FAM168A: variants seen among roughly 807,000 people sequenced by gnomAD.
FAM168A encodes protein FAM168A.
FAM168A carries 3 observed loss-of-function variants against 28.5 expected under a neutral mutation model. That is an observed-to-expected ratio of 0.11 (90% CI 0.05 to 0.27). The LOEUF is 0.27. Among genes scored for constraint, FAM168A ranks in the 10% least tolerant of loss-of-function variants. FAM168A has a pLI of 1.00. For synonymous variants in FAM168A, 122 were observed against 124.2 expected (o/e 0.98, Z 0.12); for missense variants, 222 against 311.5 (o/e 0.71, Z 2.16).
intron 2 of FAM168A, among the ~76,000 whole-genome samples, chr11:73,457,723 C>CAAA (rs58142151): frequency 4.5e-4 from 17 of 37,544 alleles, no homozygotes; most frequent in South Asian, 1.6e-3. Flanking sequence ...GCCTGGGTGA[C>CAAA]AAAAAAAAAA....
At chr11:73,472,862 G>C (rs1867834179) in intron 1 of FAM168A, among the ~76,000 whole-genome samples, 1 of 152,108 alleles carries the variant, frequency 6.6e-6, no homozygotes, top group Non-Finnish European at 1.5e-5. Context: ...GAGAGGAGTA[G>C]GTTTTGGGTG....
chr11:73,443,948 C>T (rs868003142), intron 2 of FAM168A, among the ~76,000 whole-genome samples: 4 of 152,110 alleles, frequency 2.6e-5, no homozygotes, highest in Admixed American at 6.5e-5. Flanking sequence ...AAACTTACTT[C>T]GTAGAGACCC....
intron 1 of FAM168A, among the ~76,000 whole-genome samples, chr11:73,537,434 G>A (rs1179194909): frequency 6.6e-6 from 1 of 152,098 alleles, no homozygotes; most frequent in African/African-American, 2.4e-5. Context: ...GGTGGCATGC[G>A]CCTATAGTCC....
intron 1 of FAM168A, among the ~76,000 whole-genome samples, chr11:73,571,402 T>G (rs920821817): frequency 1.3e-5 from 2 of 151,592 alleles, no homozygotes; most frequent in African/African-American, 4.9e-5. Flanking sequence ...CGCGCCGCCA[T>G]GCCTGACTGG....
intron 1 of FAM168A, among the ~76,000 whole-genome samples, chr11:73,471,376 T>C (rs532913542): frequency 7.2e-5 from 11 of 152,308 alleles, no homozygotes; most frequent in African/African-American, 2.4e-4. Flanking sequence ...AATTTTTTAA[T>C]GACAGGTTCA....
chr11:73,449,515 T>C (rs920545955), intron 2 of FAM168A, among the ~76,000 whole-genome samples: 3 of 152,236 alleles, frequency 2.0e-5, no homozygotes, highest in Admixed American at 6.5e-5. Flanking sequence ...AAACTCAGGA[T>C]GGTTAGTAAC....
intron 1 of FAM168A, among the ~76,000 whole-genome samples, chr11:73,485,423 G>A (rs957192958): frequency 1.3e-5 from 2 of 152,142 alleles, no homozygotes; most frequent in African/African-American, 2.4e-5. Flanking sequence ...AGAGATACAC[G>A]TGTCTTTTGA....
In FAM168A at chr11:73,476,495, G is replaced by C. The variant is rs527821206; in HGVS notation, c.-18-8003C>G. On this transcript the variant is annotated intron_variant, in intron 1 of 7. Transcript: ENST00000356467. ...GTGGGTGGAATCCGAATCAAGAATT[G>C]CTACAATATATTATCTAAAATATGT... Among the ~76,000 whole-genome samples, 5 of 152,090 alleles carry C rather than the reference G, an allele frequency of 3.3e-5. No homozygotes were observed. The East Asian group carries it at 5.8e-4, about 18-fold the overall frequency.
chr11:73,418,950 A>T (rs919036714), intron 4 of FAM168A, among the ~76,000 whole-genome samples: 4 of 151,732 alleles, frequency 2.6e-5, no homozygotes, highest in Non-Finnish European at 5.9e-5. Flanking sequence ...CTGGGACTAC[A>T]GGCGCCCACC....
chr11:73,585,602 T>C (rs1315863363), intron 1 of FAM168A, among the ~76,000 whole-genome samples: 1 of 152,194 alleles, frequency 6.6e-6, no homozygotes, highest in African/African-American at 2.4e-5. Context: ...GCGTAGTGGC[T>C]CACGCCTGTA....
At chr11:73,555,020 A>T (rs934070227) in intron 1 of FAM168A, among the ~76,000 whole-genome samples, 3 of 152,242 alleles carry the variant, frequency 2.0e-5, no homozygotes, top group East Asian at 3.8e-4. Context: ...GAGAAGGTCA[A>T]GGTAGCCTTT....
rs183965589 is a variant in FAM168A, at chr11:73,402,544, A to T, written c.*4219T>A. On this transcript the variant is annotated 3_prime_UTR_variant, in exon 8 of 8. Coordinates refer to ENST00000356467, the MANE Select transcript of FAM168A (RefSeq NM_015159.3). ...ACAATTCGGGTGGCCAGGGGTAAGG[A>T]TGCTCAGAGTCTGGTTCTGGTCCTC... 5 of 152,390 alleles carry T rather than the reference A, an allele frequency of 3.3e-5. No homozygotes were observed. Among genetic ancestry groups the T allele is most frequent in the African/African-American group, 7.2e-5 (3 of 41,582 alleles). 9.4% of individuals were successfully genotyped at this position (152,390 alleles called of 1,614,324 possible). A position where few individuals can be genotyped will look rare whatever the true frequency, so the allele number is the denominator to read the frequency against.
At chr11:73,529,320 C>A (rs1943487577) in intron 1 of FAM168A, among the ~76,000 whole-genome samples, 1 of 152,210 alleles carries the variant, frequency 6.6e-6, no homozygotes, top group Admixed American at 6.5e-5. Context: ...TTGCCTCTTA[C>A]TTTCTGTATA....
chr11:73,409,349 C>T (rs770173056), intron 6 of FAM168A, 138 bp downstream of exon 6: 9 of 1,057,856 alleles, frequency 8.5e-6, no homozygotes, highest in Non-Finnish European at 1.2e-5. Context: ...GATTTAGAGG[C>T]TCCTTCCTCT....
At chr11:73,578,594 C>A (rs1226038543) in intron 1 of FAM168A, among the ~76,000 whole-genome samples, 1 of 152,220 alleles carries the variant, frequency 6.6e-6, no homozygotes, top group Non-Finnish European at 1.5e-5. Context: ...CCAAAGATTT[C>A]TTTCCCTAAC....
At chr11:73,485,901 ACT>A (rs1458065881) in intron 1 of FAM168A, among the ~76,000 whole-genome samples, 1 of 152,082 alleles carries the variant, frequency 6.6e-6, no homozygotes, top group Non-Finnish European at 1.5e-5. Flanking sequence ...CAGCCAGGGA[ACT>A]CTATTCTTCA....
At chr11:73,463,321 C>T (rs1396250823) in intron 2 of FAM168A, among the ~76,000 whole-genome samples, 1 of 152,060 alleles carries the variant, frequency 6.6e-6, no homozygotes, top group South Asian at 2.1e-4. Flanking sequence ...GACTTAATAA[C>T]TGGCTTTAGA....
rs73544761 is a variant in FAM168A at position 73,489,353 on chromosome 11, C to T, written c.-18-20861G>A. Among the ~76,000 whole-genome samples, 483 of 152,258 alleles carry T rather than the reference C, an allele frequency of 3.2e-3. 3 individuals are homozygous for T. Among genetic ancestry groups the T allele is most frequent in the African/African-American group, 0.011 (463 of 41,568 alleles). ...TTTTGAACCCACTCCAATCAGATTT[C>T]CATTCCCACCACTCTACCACCATGT... is the stretch of plus-strand genomic sequence containing the variant. On this transcript the variant is annotated intron_variant, in intron 1 of 7. Coordinates refer to ENST00000356467, the MANE Select transcript of FAM168A (RefSeq NM_015159.3).
Position 73,433,076 on chromosome 11 carries a change from C to CTTTTTTTTTTTT in FAM168A, c.71-2318_71-2307dup, listed in dbSNP as rs34994742. 1.9e-4 allele frequency among the ~76,000 whole-genome samples: 15 copies of CTTTTTTTTTTTT among 80,602 alleles called. 1 individual carries two copies. The highest frequency in any genetic ancestry group is 1.0e-3 in the African/African-American group (15 of 14,700). 52.9% of individuals were successfully genotyped at this position (80,602 alleles called of 152,430 possible). On this transcript the variant is annotated intron_variant, in intron 2 of 7. Coordinates refer to ENST00000356467, the MANE Select transcript of FAM168A (RefSeq NM_015159.3). ...ACAGGTGCGTGCCACCACGCCCCGC[C>CTTTTTTTTTTTT]TTTTTTTTTTTTTTTTTTTTTTTTT...
Sources: allele counts gnomAD v4.1 joint callset (sites outside exome capture counted in the v4.1 genomes callset), GRCh38; gene constraint gnomAD v4.1.1; transcripts MANE v1.5; gene names NCBI Gene and HGNC (gene_info 2026-07-23, HGNC 2026-07-21).